The following MTDH variants were observed in gnomAD, a reference collection of about 807,000 sequenced individuals.
MTDH encodes the protein metadherin.
Under a neutral mutation model 72.7 loss-of-function variants are expected in MTDH, and 34 were observed. The ratio of observed to expected loss-of-function variants is 0.47; its 90% CI spans 0.36 to 0.62. MTDH has a LOEUF of 0.62. Ranked by LOEUF, MTDH falls within the 20% of genes least tolerant of loss-of-function variation. MTDH has a pLI of 0.00. For missense variants in MTDH, 677 were observed against 699.4 expected (o/e 0.97, Z 0.36); for synonymous variants, 266 against 268.9 (o/e 0.99, Z 0.10).
chr8:97,697,271 T>C (rs1193484207), intron 6 of MTDH, among the ~76,000 whole-genome samples: 3 of 149,680 alleles, frequency 2.0e-5, no homozygotes, highest in Admixed American at 2.0e-4. Context: ...ATTTTAGGCA[T>C]TGTGGGCCGT....
chr8:97,692,088 C>T (rs1260963056), intron 6 of MTDH, among the ~76,000 whole-genome samples: 1 of 152,174 alleles, frequency 6.6e-6, no homozygotes, highest in Non-Finnish European at 1.5e-5. Flanking sequence ...GCCATGTTGG[C>T]GAGGCTGATC....
chr8:97,678,675 A>T (rs1413576178), intron 2 of MTDH, among the ~76,000 whole-genome samples: 1 of 142,734 alleles, frequency 7.0e-6, no homozygotes, highest in Non-Finnish European at 1.5e-5. Context: ...CTGGCCTCAA[A>T]CAATCCTCCC....
At position 97,725,662 on chromosome 8, in the gene MTDH, G is replaced by T. The variant is rs1815323170; in HGVS notation, c.*992G>T. The stretch of plus-strand genomic sequence containing the variant: ...CATTTTTTTACTGCCTTAACCTGTA[G>T]TGCGTAGAATATGCATCAATTTCTT... On this transcript the variant is annotated 3_prime_UTR_variant, in exon 12 of 12. Transcript: ENST00000336273. The T allele has an allele frequency of 6.6e-6, 1 of 152,570 alleles. No individual in the cohort carries two copies. The highest frequency in any genetic ancestry group is 2.4e-5 in the African/African-American group (1 of 41,432). 9.5% of individuals were successfully genotyped at this position (152,570 alleles called of 1,614,324 possible). A position where few individuals can be genotyped will look rare whatever the true frequency, so the allele number is the denominator to read the frequency against.
At chr8:97,665,725 C>G (rs1371425201) in intron 2 of MTDH, among the ~76,000 whole-genome samples, 2 of 152,066 alleles carry the variant, frequency 1.3e-5, no homozygotes, top group Non-Finnish European at 2.9e-5. Context: ...TAAGGGGAAG[C>G]CTTAGACAAG....
chr8:97,696,215 A>T (rs961226630), intron 6 of MTDH: 2 of 984,824 alleles, frequency 2.0e-6, no homozygotes, highest in African/African-American at 3.5e-5. Context: ...TGCTTGGTCT[A>T]GTGTGGATAG....
At chr8:97,661,494 C>A (rs988035102) in intron 2 of MTDH, among the ~76,000 whole-genome samples, 1 of 152,076 alleles carries the variant, frequency 6.6e-6, no homozygotes, top group African/African-American at 2.4e-5. Flanking sequence ...TATTCAAAAA[C>A]AGAACTGTGG....
At position 97,728,024 on chromosome 8, in the gene MTDH, TACTG is replaced by T. The variant is rs1815423757; in HGVS notation, c.*3355_*3358del. On this transcript the variant is annotated 3_prime_UTR_variant, in exon 12 of 12. Transcript: ENST00000336273. Reference sequence around the variant, plus strand: ...ATCTGGTTTATATTTGCATTAAAGATACTGGAGGGCAATATTTACAGAGTTTAGT... The same window carrying T: ...ATCTGGTTTATATTTGCATTAAAGATGAGGGCAATATTTACAGAGTTTAGT... 1 of 152,168 alleles carries T rather than the reference TACTG, an allele frequency of 6.6e-6. No homozygotes were observed. Among genetic ancestry groups the T allele is most frequent in the Non-Finnish European group, 1.5e-5 (1 of 68,024 alleles). 9.4% of individuals were successfully genotyped at this position (152,168 alleles called of 1,614,324 possible). A position where few individuals can be genotyped will look rare whatever the true frequency, so the allele number is the denominator to read the frequency against.
At position 97,713,675 on chromosome 8, in the gene MTDH, A is replaced by T. The variant is rs778656753; in HGVS notation, c.1286A>T (p.Asp429Val). The T allele has an allele frequency of 1.3e-6, 2 of 1,595,786 alleles. No homozygotes were observed. Among genetic ancestry groups the T allele is most frequent in the African/African-American group, 2.7e-5 (2 of 73,638 alleles). ...IPDDQKVSDDDKEKGEGALPT... is the reference protein window; with the variant it reads ...IPDDQKVSDDVKEKGEGALPT... Reference sequence around the variant, plus strand: ...TTTTAACCTAAGGTCTCAGATGATGATAAAGAAAAGGGAGAGGGAGCTCTT... The same window carrying T: ...TTTTAACCTAAGGTCTCAGATGATGTTAAAGAAAAGGGAGAGGGAGCTCTT... The change falls in exon 9 of 12, where the codon GAT becomes GTT. Residue 429 changes from aspartate (D) to valine (V), a missense_variant. By Grantham distance (152) the Asp-to-Val change is radical (BLOSUM62 -3). Coordinates refer to ENST00000336273, the MANE Select transcript of MTDH (RefSeq NM_178812.4).
At chr8:97,687,316 A>G (rs1160397533) in intron 3 of MTDH, 113 bp from the exon 4 acceptor site, 4 of 840,956 alleles carry the variant, frequency 4.8e-6, no homozygotes, top group Non-Finnish European at 6.9e-6. Context: ...TTTTAGCTTA[A>G]CATCTAAATT....
chr8:97,727,105 A>G lies in MTDH; in HGVS notation c.*2435A>G, dbSNP rs1485390423. 2 of 152,058 alleles carry G rather than the reference A, an allele frequency of 1.3e-5. No homozygotes were observed. Among genetic ancestry groups the G allele is most frequent in the African/African-American group, 4.8e-5 (2 of 41,408 alleles). 9.4% of individuals were successfully genotyped at this position (152,058 alleles called of 1,614,324 possible). A position where few individuals can be genotyped will look rare whatever the true frequency, so the allele number is the denominator to read the frequency against. The stretch of plus-strand genomic sequence containing the variant: ...AAAAAAAAAAGATGGCAGCTATATA[A>G]ATGATAAAATTAATTACATTCTCTT... On this transcript the variant is annotated 3_prime_UTR_variant, in exon 12 of 12. Transcript: ENST00000336273.
rs1426000357 is a variant in MTDH, at chr8:97,686,660, A to G, written c.484-8A>G. The G allele has an allele frequency of 2.0e-6, 3 of 1,523,198 alleles. No homozygotes were observed. The African/African-American group carries it at 4.2e-5, about 21-fold the overall frequency. The allele number at this position is 1,523,198 out of a possible 1,614,324, so 94.4% of individuals were successfully genotyped here. A position where few individuals can be genotyped will look rare whatever the true frequency, so the allele number is the denominator to read the frequency against. ...AAAATATTAAGTAACATTCTATTTT[A>G]CTTTCAGTCAAAGAAAAATAAGAAG... On this transcript the variant is annotated splice_polypyrimidine_tract_variant and splice_region_variant and intron_variant, in intron 2 of 11. Coordinates refer to ENST00000336273, the MANE Select transcript of MTDH (RefSeq NM_178812.4).
At chr8:97,677,974 A>G (rs955527042) in intron 2 of MTDH, among the ~76,000 whole-genome samples, 3 of 152,208 alleles carry the variant, frequency 2.0e-5, no homozygotes, top group Non-Finnish European at 4.4e-5. Context: ...ATTACAGCCA[A>G]TCAAAATGCA....
At chr8:97,704,349 T>C (rs1452854432) in intron 7 of MTDH, among the ~76,000 whole-genome samples, 2 of 152,254 alleles carry the variant, frequency 1.3e-5, no homozygotes, top group Non-Finnish European at 2.9e-5. Context: ...TTCTAGCACA[T>C]AGTAAGTGCT....
intron 1 of MTDH, among the ~76,000 whole-genome samples, chr8:97,655,059 A>G (rs549251549): frequency 2.0e-5 from 3 of 152,198 alleles, no homozygotes; most frequent in Admixed American, 2.0e-4. Flanking sequence ...ATCACACACC[A>G]CTGCACTCCA....
At chr8:97,701,876 A>G (rs937199010) in intron 7 of MTDH, among the ~76,000 whole-genome samples, 2 of 152,248 alleles carry the variant, frequency 1.3e-5, no homozygotes, top group Non-Finnish European at 2.9e-5. Flanking sequence ...AGGATTCTAT[A>G]CTTAATCAAA....
intron 1 of MTDH, among the ~76,000 whole-genome samples, chr8:97,648,946 G>C (rs1364917442): frequency 6.6e-6 from 1 of 152,140 alleles, no homozygotes; most frequent in Admixed American, 6.5e-5. Context: ...GAAAGTGGCT[G>C]TTTGCCTCAT....
At chr8:97,681,458 T>C (rs1364672913) in intron 2 of MTDH, among the ~76,000 whole-genome samples, 2 of 151,006 alleles carry the variant, frequency 1.3e-5, no homozygotes, top group South Asian at 2.1e-4. Flanking sequence ...TAAGATATAT[T>C]GGGAAGGAAA....
At chr8:97,658,177 TA>T (rs1210304742) in intron 1 of MTDH, among the ~76,000 whole-genome samples, 1 of 151,952 alleles carries the variant, frequency 6.6e-6, no homozygotes, top group African/African-American at 2.4e-5. Context: ...TGATGAAAGC[TA>T]TATAAATTCT....
In MTDH at chr8:97,644,559, C is replaced by T; in HGVS notation, c.53C>T (p.Ser18Leu). ...CTGGCCCAGCAGGCCGAGGAGGGCT[C>T]GGCCCGGCTGCGGGAAATGCTCTCG... ...DELAQQAEEGSARLREMLSVG... is the reference protein window; with the variant it reads ...DELAQQAEEGLARLREMLSVG... The change falls in exon 1 of 12, where the codon TCG (serine) becomes TTG (leucine). Residue 18 changes from serine (S) to leucine (L), a missense_variant. This residue lies in a region of MTDH where 467 missense variants were observed against 469.1 expected (regional missense o/e 1.00). Coordinates refer to ENST00000336273, the MANE Select transcript of MTDH (RefSeq NM_178812.4). 2 of 1,602,804 alleles carry T rather than the reference C, an allele frequency of 1.2e-6. No homozygotes were observed.
Sources: allele counts gnomAD v4.1 joint callset (sites outside exome capture counted in the v4.1 genomes callset), GRCh38; gene constraint gnomAD v4.1.1; regional missense constraint gnomAD v4.1.1; transcripts MANE v1.5; gene names NCBI Gene and HGNC (gene_info 2026-07-23, HGNC 2026-07-21).